SMAP2: variants seen among roughly 807,000 people sequenced by gnomAD.
SMAP2 encodes stromal membrane-associated protein 2.
A neutral mutation model predicts 56.4 loss-of-function variants in SMAP2; 25 were observed. The ratio of observed to expected loss-of-function variants is 0.44; its 90% CI spans 0.32 to 0.62. The LOEUF is 0.62. Among genes scored for constraint, SMAP2 ranks in the 20% least tolerant of loss-of-function variants. The pLI, the probability that SMAP2 is intolerant of heterozygous loss-of-function variation, is 0.04. For missense variants in SMAP2, 388 were observed against 545.6 expected (o/e 0.71, Z 2.88); for synonymous variants, 157 against 181.7 (o/e 0.86, Z 1.09).
chr1:40,414,347 C>A, intron 6 of SMAP2, 107 bp downstream of exon 6: 2 of 956,982 alleles, frequency 2.1e-6, no homozygotes, highest in Non-Finnish European at 3.3e-6. Flanking sequence ...TCTTCATTGC[C>A]AAGACTGTTC....
chr1:40,387,418 G>C (rs143709969), intron 1 of SMAP2, among the ~76,000 whole-genome samples: 1 of 152,292 alleles, frequency 6.6e-6, no homozygotes, highest in East Asian at 1.9e-4. Context: ...TATGTGTTCA[G>C]ATTTGAGTAG....
At chr1:40,399,881 G>T (rs1393978053) in intron 1 of SMAP2, among the ~76,000 whole-genome samples, 1 of 152,186 alleles carries the variant, frequency 6.6e-6, no homozygotes, top group East Asian at 1.9e-4. Context: ...TTGAGGGGCA[G>T]TGGGTGGGAG....
chr1:40,391,619 G>A (rs1409206188), intron 1 of SMAP2, among the ~76,000 whole-genome samples: 1 of 152,012 alleles, frequency 6.6e-6, no homozygotes, highest in African/African-American at 2.4e-5. Flanking sequence ...GCTTCCTAGG[G>A]GAAAAAAATT....
At chr1:40,345,320 C>T (rs1038141651) in intron 1 of SMAP2, among the ~76,000 whole-genome samples, 6 of 151,572 alleles carry the variant, frequency 4.0e-5, no homozygotes, top group African/African-American at 7.3e-5. Context: ...GAGGGTGGAA[C>T]AGTTTGAGGC....
intron 1 of SMAP2, among the ~76,000 whole-genome samples, chr1:40,406,047 T>C (rs1466607171): frequency 6.6e-6 from 1 of 152,158 alleles, no homozygotes; most frequent in Non-Finnish European, 1.5e-5. Context: ...AAACACAGTT[T>C]CAATTACAGG....
Position 40,374,653 on chromosome 1 carries a change from G to C in SMAP2, c.103+430G>C. 6.5e-7 allele frequency: 1 copy of C among 1,547,070 alleles called. No homozygotes were observed. Among genetic ancestry groups the C allele is most frequent in the Non-Finnish European group, 8.7e-7 (1 of 1,144,242 alleles). ...AGAGAGAGAGAGAGAATGACGAGGA[G>C]GAGGAGGAGGGAAGTGAGATGGCGG... On this transcript the variant is annotated intron_variant, in intron 1 of 9. Coordinates refer to ENST00000372718, the MANE Select transcript of SMAP2 (RefSeq NM_022733.3). The surrounding 1 kb of genome is among the most constrained non-coding windows in gnomAD (Gnocchi z 5.9).
intron 1 of SMAP2, among the ~76,000 whole-genome samples, chr1:40,389,333 C>T (rs935036451): frequency 6.6e-6 from 1 of 151,974 alleles, no homozygotes; most frequent in African/African-American, 2.4e-5. Context: ...GAAGGGCCCT[C>T]AGACTGGAGA....
At chr1:40,411,825 T>C (rs1429333700) in intron 4 of SMAP2, among the ~76,000 whole-genome samples, 8 of 152,228 alleles carry the variant, frequency 5.3e-5, no homozygotes, top group African/African-American at 1.9e-4. Flanking sequence ...ATTATAAAAT[T>C]ATTTTAGAGA....
intron 1 of SMAP2, among the ~76,000 whole-genome samples, chr1:40,345,873 G>A (rs148641215): frequency 1.6e-3 from 168 of 102,256 alleles, no homozygotes; most frequent in African/African-American, 7.6e-3. Flanking sequence ...ATATTATATT[G>A]TATTATATTG....
At chr1:40,354,664 T>C (rs1644425954) in intron 1 of SMAP2, among the ~76,000 whole-genome samples, 1 of 151,924 alleles carries the variant, frequency 6.6e-6, no homozygotes, top group Non-Finnish European at 1.5e-5. Context: ...GTTAGTTAAT[T>C]TTTTTTAAAT....
Position 40,405,372 on chromosome 1 carries a change from C to G in SMAP2, c.104-1364C>G, listed in dbSNP as rs181378660. Among the ~76,000 whole-genome samples, 148 of 152,260 alleles carry G rather than the reference C, an allele frequency of 9.7e-4. 2 individuals are homozygous for G. The highest frequency in any genetic ancestry group is 1.6e-4 in the Non-Finnish European group (11 of 68,012). ...GGCAGGGTGGCACACGCCTATAGTC[C>G]CAGCTACTCCAGAGGCTGAGGCAGG... On this transcript the variant is annotated intron_variant, in intron 1 of 9. Transcript: ENST00000372718.
chr1:40,383,649 G>A (rs143948827), intron 1 of SMAP2, among the ~76,000 whole-genome samples: 118 of 152,288 alleles, frequency 7.7e-4, no homozygotes, highest in African/African-American at 2.8e-3. Context: ...TATACTTAGG[G>A]GGTATGACTA....
At chr1:40,417,454 A>G (rs1439766059) in intron 9 of SMAP2, among the ~76,000 whole-genome samples, 2 of 152,164 alleles carry the variant, frequency 1.3e-5, no homozygotes, top group Non-Finnish European at 2.9e-5. Context: ...TGGCATGGCA[A>G]TGGGCATATA....
chr1:40,416,400 G>A, intron 8 of SMAP2, 59 bp downstream of exon 8: 3 of 1,553,912 alleles, frequency 1.9e-6, no homozygotes, highest in Non-Finnish European at 2.6e-6. Context: ...CTTCCATGCA[G>A]GAATTATTTA....
At chr1:40,418,337 G>A (rs535247042) in intron 9 of SMAP2, among the ~76,000 whole-genome samples, 93 of 152,084 alleles carry the variant, frequency 6.1e-4, no homozygotes, top group Non-Finnish European at 1.2e-3. Context: ...AAACAGCTAA[G>A]AGAATGAAAA....
intron 1 of SMAP2, among the ~76,000 whole-genome samples, chr1:40,359,409 C>A (rs1024532405): frequency 6.6e-5 from 10 of 152,158 alleles, no homozygotes; most frequent in Non-Finnish European, 1.5e-5. Context: ...CTATTTGTGT[C>A]TTTATAAGTA....
At position 40,386,711 on chromosome 1, in the gene SMAP2, GCT is replaced by G. The variant is rs769333154; in HGVS notation, c.103+12489_103+12490del. ...GCTGGGGAGATAGGAGGATCCCTGT[GCT>G]TATAATCTAAACATCAGTAAATGCT... On this transcript the variant is annotated intron_variant, in intron 1 of 9. Coordinates refer to ENST00000372718, the MANE Select transcript of SMAP2 (RefSeq NM_022733.3). This position sits in a 1 kb window ranked among gnomAD's most constrained non-coding sequence, Gnocchi z 4.1. Among the ~76,000 whole-genome samples, 25 of 151,442 alleles carry G rather than the reference GCT, an allele frequency of 1.7e-4. No individual in the cohort carries two copies. Among genetic ancestry groups the G allele is most frequent in the Non-Finnish European group, 2.9e-4 (20 of 67,982 alleles).
intron 1 of SMAP2, among the ~76,000 whole-genome samples, chr1:40,356,399 T>G (rs1644435731): frequency 7.3e-6 from 1 of 137,474 alleles, no homozygotes; most frequent in Admixed American, 7.3e-5. Flanking sequence ...TTTTTGTGGG[T>G]TTTTTGTTTT....
intron 2 of SMAP2, chr1:40,365,105 C>A: frequency 4.7e-6 from 1 of 212,656 alleles, no homozygotes; most frequent in South Asian, 8.8e-5. Context: ...TTCCTAGTGT[C>A]ATTACTCAAG....
Sources: allele counts gnomAD v4.1 joint callset (sites outside exome capture counted in the v4.1 genomes callset), GRCh38; gene constraint gnomAD v4.1.1; non-coding constraint Gnocchi (gnomAD v3.1); transcripts MANE v1.5; gene names NCBI Gene and HGNC (gene_info 2026-07-23, HGNC 2026-07-21).